The following SNX8 variants were observed in gnomAD, a reference collection of about 807,000 sequenced individuals.
SNX8 encodes sorting nexin 8.
In SNX8, 25 loss-of-function variants were observed where a neutral mutation model predicts 51.6. The observed-to-expected ratio is 0.48, with a 90% CI of 0.35 to 0.68. The LOEUF (loss-of-function observed/expected upper bound fraction) is 0.68, where lower values mean the gene tolerates loss of function less well. Ranked by LOEUF, SNX8 falls within the 30% of genes least tolerant of loss-of-function variation. SNX8 has a pLI of 0.00. For synonymous variants in SNX8, 324 were observed against 277.0 expected (o/e 1.17, Z -1.68); for missense variants, 695 against 624.0 (o/e 1.11, Z -1.21).
At chr7:2,290,049 C>A (rs768713550) in intron 1 of SNX8, among the ~76,000 whole-genome samples, 2 of 152,006 alleles carry the variant, frequency 1.3e-5, no homozygotes, top group African/African-American at 4.8e-5. Context: ...AAAAATTAGC[C>A]GGGCGTGGTG....
At chr7:2,319,980 AAAACAAAC>A (rs538687476) in intron 1 of SNX8, among the ~76,000 whole-genome samples, 5 of 152,142 alleles carry the variant, frequency 3.3e-5, no homozygotes, top group Admixed American at 6.6e-5. Flanking sequence ...ACTACATCTC[AAAACAAAC>A]AAACAAACAA....
intron 5 of SNX8, among the ~76,000 whole-genome samples, chr7:2,268,947 A>G (rs1795568652): frequency 7.7e-6 from 1 of 130,116 alleles, no homozygotes; most frequent in Non-Finnish European, 1.7e-5. Context: ...CCCGTCCGGG[A>G]GGTGAGGGGC....
chr7:2,349,598 C>T (rs1554270833), intron 1 of SNX8, among the ~76,000 whole-genome samples: 1 of 151,472 alleles, frequency 6.6e-6, no homozygotes, highest in Non-Finnish European at 1.5e-5. Flanking sequence ...GAGCACGCCC[C>T]CACACACAAC....
intron 1 of SNX8, among the ~76,000 whole-genome samples, chr7:2,329,561 C>G (rs1778692893): frequency 1.3e-5 from 2 of 152,164 alleles, no homozygotes; most frequent in Admixed American, 6.5e-5. Context: ...CTCCTTTTGC[C>G]TGCCCCAGGG....
chr7:2,337,347 T>A (rs1778849434), intron 1 of SNX8: 1 of 151,686 alleles, frequency 6.6e-6, no homozygotes, highest in Non-Finnish European at 1.5e-5. Context: ...GTTGGGAGGC[T>A]GAGGAGGGAG....
intron 10 of SNX8, among the ~76,000 whole-genome samples, chr7:2,256,321 C>T (rs905454879): frequency 6.6e-6 from 1 of 152,232 alleles, no homozygotes; most frequent in African/African-American, 2.4e-5. Context: ...CAGACCATGG[C>T]TTGAAAGCTA....
chr7:2,273,507 A>C (rs536860471), intron 3 of SNX8, among the ~76,000 whole-genome samples: 3 of 150,558 alleles, frequency 2.0e-5, no homozygotes, highest in Admixed American at 6.6e-5. Context: ...AATGGCGTGA[A>C]CCCGGCAGGC....
At chr7:2,290,596 C>A (rs1698467733) in intron 1 of SNX8, among the ~76,000 whole-genome samples, 1 of 152,182 alleles carries the variant, frequency 6.6e-6, no homozygotes, top group Admixed American at 6.6e-5. Context: ...TAATTTAATT[C>A]ACGTGAGCAA....
At chr7:2,329,441 C>T (rs1330205986) in intron 1 of SNX8, among the ~76,000 whole-genome samples, 1 of 152,140 alleles carries the variant, frequency 6.6e-6, no homozygotes, top group Non-Finnish European at 1.5e-5. Flanking sequence ...TTATGAACTA[C>T]GTTGTTTTTC....
At position 2,271,856 on chromosome 7, in the gene SNX8, G is replaced by A. The variant is rs751593888; in HGVS notation, c.534C>T (p.Ser178=). ...GCAGGGCAGACACACTCACCGAGCC[G>A]CTGAAGGACAGGAAGAGCTTGAGGA... The part of the protein sequence containing the change: ...DVVLKLFLSF[S]GSDVQNKLKE... Residue 178 remains serine (S), a synonymous_variant, in exon 4 of 11, where the codon AGC becomes AGT. Transcript: ENST00000222990. The A allele has an allele frequency of 3.2e-5, 51 of 1,607,842 alleles. No individual in the cohort carries two copies. Among genetic ancestry groups the A allele is most frequent in the Middle Eastern group, 3.3e-4 (2 of 6,076 alleles).
At chr7:2,314,643 C>T (rs1349442989), upstream of SNX8, among the ~76,000 whole-genome samples, 1 of 152,168 alleles carries the variant, frequency 6.6e-6, no homozygotes, top group African/African-American at 2.4e-5. Context: ...CACGTGGACA[C>T]GGAGCCTGCT....
intron 1 of SNX8, among the ~76,000 whole-genome samples, chr7:2,313,863 C>A (rs1796708209): frequency 1.3e-5 from 2 of 152,134 alleles, no homozygotes; most frequent in African/African-American, 4.8e-5. Context: ...AAATTACTGG[C>A]CCAAGACCAC....
At chr7:2,352,280 A>G (rs1175471038) in intron 1 of SNX8, among the ~76,000 whole-genome samples, 2 of 152,008 alleles carry the variant, frequency 1.3e-5, no homozygotes, top group African/African-American at 4.8e-5. Flanking sequence ...CTTTGACTTC[A>G]TCTTGATTAC....
chr7:2,336,269 C>T lies in SNX8; in HGVS notation c.-66+17953G>A, dbSNP rs527736871. 4.6e-5 allele frequency among the ~76,000 whole-genome samples: 7 copies of T among 151,850 alleles called. No homozygotes were observed. In the South Asian group the frequency reaches 1.2e-3, roughly 27 times the overall value. On this transcript the variant is annotated intron_variant, in intron 1 of 5. Coordinates refer to the SNX8 transcript ENST00000435336. ...ATACAAAATTAACCGGGCATGGTGG[C>T]GCAGGCCTGTAATCCCAGCTACTCA...
chr7:2,265,052 A>G (rs2115104668), intron 5 of SNX8, among the ~76,000 whole-genome samples: 1 of 151,914 alleles, frequency 6.6e-6, no homozygotes, highest in Admixed American at 6.6e-5. Context: ...ACAAACCAAC[A>G]AAACACTCGA....
chr7:2,317,423 G>A (rs993708746), upstream of SNX8, among the ~76,000 whole-genome samples: 6 of 151,350 alleles, frequency 4.0e-5, no homozygotes, highest in African/African-American at 9.7e-5. Flanking sequence ...TATTACAGGC[G>A]TGTGCCACCA....
intron 6 of SNX8, among the ~76,000 whole-genome samples, chr7:2,263,791 G>A (rs1456251968): frequency 6.6e-6 from 1 of 151,998 alleles, no homozygotes; most frequent in African/African-American, 2.4e-5. Context: ...TCGGCTCACT[G>A]CAACCTCCGC....
intron 1 of SNX8, among the ~76,000 whole-genome samples, chr7:2,351,647 A>G (rs1583132908): frequency 1.3e-5 from 2 of 151,972 alleles, no homozygotes; most frequent in South Asian, 4.2e-4. Context: ...CCTGACTAAC[A>G]GGATGAAACC....
At position 2,304,344 on chromosome 7, in the gene SNX8, A is replaced by T. The variant is rs185778512; in HGVS notation, c.94+9984T>A. Among the ~76,000 whole-genome samples, 52 of 151,536 alleles carry T rather than the reference A, an allele frequency of 3.4e-4. No individual in the cohort carries two copies. The East Asian group carries it at 5.7e-3, about 17-fold the overall frequency. On this transcript the variant is annotated intron_variant, in intron 1 of 10. Coordinates refer to ENST00000222990, the MANE Select transcript of SNX8 (RefSeq NM_013321.4). Reference sequence around the variant, plus strand: ...CAGATCACGAGGTCAGGAGATAGAGACCATCCTGGCTAACAGGGTGAAACC... The same window carrying T: ...CAGATCACGAGGTCAGGAGATAGAGTCCATCCTGGCTAACAGGGTGAAACC...
Sources: allele counts gnomAD v4.1 joint callset (sites outside exome capture counted in the v4.1 genomes callset), GRCh38; gene constraint gnomAD v4.1.1; transcripts MANE v1.5; gene names NCBI Gene and HGNC (gene_info 2026-07-23, HGNC 2026-07-21).